Variants in CFAP299 observed in about 807,000 individuals in gnomAD.
CFAP299 encodes the protein cilia- and flagella-associated protein 299.
CFAP299 carries 21 observed loss-of-function variants against 27.0 expected under a neutral mutation model. The ratio of observed to expected loss-of-function variants is 0.78; its 90% confidence interval spans 0.55 to 1.12. CFAP299 has a LOEUF of 1.12. Among genes scored for constraint, CFAP299 ranks in the 50% most tolerant of loss-of-function variants. The pLI, the probability that CFAP299 is intolerant of heterozygous loss-of-function variation, is 0.00. For missense variants in CFAP299, 310 were observed against 276.6 expected (o/e 1.12, Z -0.86); for synonymous variants, 104 against 98.1 (o/e 1.06, Z -0.36).
At chr4:80,664,500 C>A (rs1303833763) in intron 3 of CFAP299, among the ~76,000 whole-genome samples, 1 of 152,140 alleles carries the variant, frequency 6.6e-6, no homozygotes, top group Non-Finnish European at 1.5e-5. Context: ...CCACCCAGTT[C>A]GAACTTCCTG....
intron 2 of CFAP299, among the ~76,000 whole-genome samples, chr4:80,398,834 A>G (rs995913567): frequency 3.3e-5 from 5 of 152,222 alleles, no homozygotes; most frequent in Admixed American, 1.3e-4. Context: ...GCCAAAATTG[A>G]CAAATGGGAT....
At chr4:80,800,254 T>A (rs1259295139) in intron 3 of CFAP299, among the ~76,000 whole-genome samples, 2 of 72,668 alleles carry the variant, frequency 2.8e-5, no homozygotes, top group Non-Finnish European at 4.6e-5. Flanking sequence ...ATATAATATA[T>A]ATTATATAAA....
At chr4:80,859,240 T>A (rs914111545) in intron 3 of CFAP299, among the ~76,000 whole-genome samples, 3 of 152,082 alleles carry the variant, frequency 2.0e-5, no homozygotes, top group Non-Finnish European at 4.4e-5. Flanking sequence ...AACCCCTGCC[T>A]TTTTTTGTTT....
At chr4:80,364,508 G>T (rs1723719368) in intron 2 of CFAP299, among the ~76,000 whole-genome samples, 1 of 152,126 alleles carries the variant, frequency 6.6e-6, no homozygotes, top group South Asian at 2.1e-4. Flanking sequence ...TGATTACACT[G>T]TGCCCATCTA....
intron 2 of CFAP299, among the ~76,000 whole-genome samples, chr4:80,551,712 T>G (rs1251657207): frequency 6.6e-6 from 1 of 152,194 alleles, no homozygotes; most frequent in African/African-American, 2.4e-5. Flanking sequence ...AAGACTTTAA[T>G]TTTTGTGTAT....
At chr4:80,959,134 C>T (rs538221938) in intron 5 of CFAP299, among the ~76,000 whole-genome samples, 1 of 152,068 alleles carries the variant, frequency 6.6e-6, no homozygotes, top group Non-Finnish European at 1.5e-5. Flanking sequence ...ATTAGACAAA[C>T]ATCTCTAAGG....
In CFAP299 at chr4:80,591,127, T is replaced by A. The variant is rs1578643436; in HGVS notation, c.333+7944T>A. ...GAAATTTTTTTTTTTTTTTTTTTTTTTTTTATTTTTTTTTGAGACGGAGTC... is the reference window on the plus strand; with the variant it reads ...GAAATTTTTTTTTTTTTTTTTTTTTATTTTATTTTTTTTTGAGACGGAGTC... On this transcript the variant is annotated intron_variant, in intron 3 of 5. Transcript: ENST00000358105. Among the ~76,000 whole-genome samples, 6 of 138,374 alleles carry A rather than the reference T, an allele frequency of 4.3e-5. 1 individual carries two copies. Among genetic ancestry groups the A allele is most frequent in the African/African-American group, 1.5e-4 (6 of 39,044 alleles). The allele number at this position is 138,374 out of a possible 152,430, so 90.8% of individuals were successfully genotyped here. A position where few individuals can be genotyped will look rare whatever the true frequency, so the allele number is the denominator to read the frequency against.
intron 2 of CFAP299, among the ~76,000 whole-genome samples, chr4:80,510,144 A>G (rs866074618): frequency 5.9e-5 from 9 of 152,142 alleles, no homozygotes; most frequent in South Asian, 2.1e-4. Context: ...GTTGCCTCAT[A>G]TAGGATTTGT....
chr4:80,813,175 A>T (rs1214784498), intron 3 of CFAP299, among the ~76,000 whole-genome samples: 1 of 152,086 alleles, frequency 6.6e-6, no homozygotes, highest in East Asian at 1.9e-4. Flanking sequence ...ATATGCACGT[A>T]AACATCTATA....
intron 3 of CFAP299, among the ~76,000 whole-genome samples, chr4:80,600,499 T>C (rs1167624331): frequency 6.6e-6 from 1 of 152,144 alleles, no homozygotes; most frequent in Non-Finnish European, 1.5e-5. Context: ...AATACAAATA[T>C]AATACAGATT....
chr4:80,953,969 T>C (rs1737919342), intron 5 of CFAP299, among the ~76,000 whole-genome samples: 1 of 152,226 alleles, frequency 6.6e-6, no homozygotes, highest in Non-Finnish European at 1.5e-5. Context: ...GGGACCCATA[T>C]GGCCTAGGGA....
intron 3 of CFAP299, among the ~76,000 whole-genome samples, chr4:80,824,539 G>A (rs913392740): frequency 2.0e-4 from 31 of 152,012 alleles, no homozygotes; most frequent in African/African-American, 6.8e-4. Flanking sequence ...CCAGTGCCTC[G>A]TACTCTCCCT....
At chr4:80,331,562 G>A (rs932108318), upstream of CFAP299, among the ~76,000 whole-genome samples, 2 of 152,160 alleles carry the variant, frequency 1.3e-5, no homozygotes, top group African/African-American at 2.4e-5. Context: ...AAGTAATTGA[G>A]AGGTGGAAAT....
chr4:80,894,956 A>C (rs915015606), intron 4 of CFAP299, among the ~76,000 whole-genome samples: 1 of 151,966 alleles, frequency 6.6e-6, no homozygotes, highest in African/African-American at 2.4e-5. Context: ...GAATCTAAAA[A>C]AATCTCACTC....
rs556333176 is a variant in CFAP299 at position 80,724,229 on chromosome 4, AG to A, written c.333+141047del. 2.4e-3 allele frequency among the ~76,000 whole-genome samples: 364 copies of A among 152,264 alleles called. 3 individuals carry two copies. Among genetic ancestry groups the A allele is most frequent in the African/African-American group, 8.1e-3 (338 of 41,586 alleles). Reference sequence around the variant, plus strand: ...TTGGGGTGGGGGAAATAATGTTAAAAGAAAAGTAGAGCTTGAGTTTATACTT... The same window carrying A: ...TTGGGGTGGGGGAAATAATGTTAAAAAAAAGTAGAGCTTGAGTTTATACTT... On this transcript the variant is annotated intron_variant, in intron 3 of 5. Transcript: ENST00000358105.
At chr4:80,956,533 TATG>T (rs1738077336) in intron 5 of CFAP299, among the ~76,000 whole-genome samples, 1 of 152,130 alleles carries the variant, frequency 6.6e-6, no homozygotes, top group South Asian at 2.1e-4. Context: ...CCTGGGCTCA[TATG>T]ATCCCACTTC....
intron 3 of CFAP299, among the ~76,000 whole-genome samples, chr4:80,795,360 C>T (rs1174828753): frequency 6.6e-6 from 1 of 152,180 alleles, no homozygotes; most frequent in Admixed American, 6.5e-5. Context: ...AGGTGCACTG[C>T]CTGAAGTTCT....
At chr4:80,767,486 G>A (rs1446129529) in intron 3 of CFAP299, among the ~76,000 whole-genome samples, 1 of 152,146 alleles carries the variant, frequency 6.6e-6, no homozygotes, top group Admixed American at 6.5e-5. Context: ...GTGGACGCCT[G>A]TAGTCCCAGC....
chr4:80,520,607 G>A (rs923707946), intron 2 of CFAP299, among the ~76,000 whole-genome samples: 3 of 152,150 alleles, frequency 2.0e-5, no homozygotes, highest in African/African-American at 4.8e-5. Flanking sequence ...AGTTCCCAAC[G>A]TATTGAGGCA....
Sources: allele counts gnomAD v4.1 joint callset (sites outside exome capture counted in the v4.1 genomes callset), GRCh38; gene constraint gnomAD v4.1.1; transcripts MANE v1.5; gene names NCBI Gene and HGNC (gene_info 2026-07-23, HGNC 2026-07-21).